RMND1: variants seen among roughly 807,000 people sequenced by gnomAD.
RMND1 encodes the protein required for meiotic nuclear division 1 homolog, also known as required for meiotic nuclear division protein 1 homolog.
Under a neutral mutation model 54.0 loss-of-function variants are expected in RMND1, and 41 were observed. The observed-to-expected ratio is 0.76, with a 90% CI of 0.59 to 0.98. RMND1 has a LOEUF of 0.98. Among genes scored for constraint, RMND1 ranks in the 50% least tolerant of loss-of-function variants. The probability of loss-of-function intolerance (pLI) is 0.00; values close to 1 mark genes in which losing one functional copy is unlikely to be tolerated. For missense variants in RMND1, 457 were observed against 532.0 expected (o/e 0.86, Z 1.39); for synonymous variants, 183 against 181.7 (o/e 1.01, Z -0.06).
chr6:151,434,407 T>C (rs1298416882), intron 3 of RMND1, among the ~76,000 whole-genome samples: 2 of 130,394 alleles, frequency 1.5e-5, no homozygotes, highest in Non-Finnish European at 3.1e-5. Flanking sequence ...ACCAAAACTG[T>C]GATTTTTTTT....
chr6:151,431,686 A>G (rs1780451394), intron 4 of RMND1, among the ~76,000 whole-genome samples: 1 of 152,164 alleles, frequency 6.6e-6, no homozygotes, highest in South Asian at 2.1e-4. Flanking sequence ...CTGTAAGTGT[A>G]CAATACACAG....
intron 10 of RMND1, among the ~76,000 whole-genome samples, chr6:151,412,915 C>A (rs776948552): frequency 6.6e-6 from 1 of 152,180 alleles, no homozygotes; most frequent in South Asian, 2.1e-4. Flanking sequence ...AGTCACCCCC[C>A]CACCAGGACC....
At position 151,405,195 on chromosome 6, in the gene RMND1, C is replaced by CT; in HGVS notation, c.*39dup. Reference sequence around the variant, plus strand: ...GAACATTTAATTTTTGATTGTAGAACTTGAATATCTCTTGCAGTGACACTT... The same window carrying CT: ...GAACATTTAATTTTTGATTGTAGAACTTTGAATATCTCTTGCAGTGACACTT... On this transcript the variant is annotated 3_prime_UTR_variant, in exon 12 of 12. Coordinates refer to ENST00000444024, the MANE Select transcript of RMND1 (RefSeq NM_017909.4). 1 of 1,586,268 alleles carries CT rather than the reference C, an allele frequency of 6.3e-7. No homozygotes were observed. The highest frequency in any genetic ancestry group is 8.7e-7 in the Non-Finnish European group (1 of 1,155,550).
chr6:151,423,076 A>G (rs1231904090), intron 7 of RMND1, among the ~76,000 whole-genome samples: 2 of 152,218 alleles, frequency 1.3e-5, no homozygotes, highest in Non-Finnish European at 2.9e-5. Flanking sequence ...AAGAACTTGT[A>G]TAGTTTTATT....
At chr6:151,438,764 C>A (rs9397050) in intron 2 of RMND1, among the ~76,000 whole-genome samples, 26,043 of 151,624 alleles carry the variant, frequency 0.17, 2,475 homozygotes, top group East Asian at 0.35. Context: ...GTGGTACTGG[C>A]CAAGCCCATC....
intron 11 of RMND1, among the ~76,000 whole-genome samples, 155 bp from the exon 12 acceptor site, chr6:151,405,422 CTTGAT>C (rs1262197003): frequency 6.6e-6 from 1 of 152,120 alleles, no homozygotes; most frequent in Non-Finnish European, 1.5e-5. Context: ...GGTACGGGTG[CTTGAT>C]TTGATGTTGA....
At chr6:151,450,357 T>G (rs560726637) in intron 1 of RMND1, among the ~76,000 whole-genome samples, 2,313 of 132,924 alleles carry the variant, frequency 0.017, 76 homozygotes, top group African/African-American at 0.065. Context: ...GGGAGGGAGG[T>G]GGGGGTCAGC....
chr6:151,412,018 G>C (rs1462688508), intron 10 of RMND1: 1 of 152,098 alleles, frequency 6.6e-6, no homozygotes, highest in African/African-American at 2.4e-5. Flanking sequence ...CTAATAACTT[G>C]CCTTTTTTTT....
At chr6:151,417,242 G>T (rs201033760) in intron 10 of RMND1, 37 bp downstream of exon 10, 1 of 1,575,636 alleles carries the variant, frequency 6.3e-7, no homozygotes, top group African/African-American at 1.4e-5. Context: ...AGGCGACAAC[G>T]TGTCTTTTTC....
intron 2 of RMND1, among the ~76,000 whole-genome samples, chr6:151,440,937 T>C (rs1780758737): frequency 6.7e-6 from 1 of 149,624 alleles, no homozygotes; most frequent in African/African-American, 2.5e-5. Flanking sequence ...CATATATATG[T>C]AAAGCATATT....
chr6:151,407,003 A>G (rs1363149104), intron 10 of RMND1, among the ~76,000 whole-genome samples: 3 of 152,056 alleles, frequency 2.0e-5, no homozygotes, highest in Non-Finnish European at 4.4e-5. Flanking sequence ...CTACAAAAAA[A>G]TTAGCCAGGC....
intron 1 of RMND1, among the ~76,000 whole-genome samples, chr6:151,449,679 C>A (rs151252897): frequency 1.3e-5 from 2 of 152,134 alleles, no homozygotes; most frequent in Non-Finnish European, 2.9e-5. Context: ...CCTCTCCCCA[C>A]GGTCTCCCTC....
intron 1 of RMND1, among the ~76,000 whole-genome samples, chr6:151,451,543 C>T (rs1317930236): frequency 1.3e-5 from 2 of 152,126 alleles, no homozygotes; most frequent in African/African-American, 4.8e-5. Context: ...AATGGAAGCT[C>T]CCTGAGGATA....
chr6:151,447,831 G>C (rs1224311337), intron 1 of RMND1, among the ~76,000 whole-genome samples: 1 of 45,496 alleles, frequency 2.2e-5, no homozygotes, highest in Non-Finnish European at 5.0e-5. Context: ...TTTTTTTTTT[G>C]AGATGGGAGT....
At chr6:151,437,264 T>C (rs569807116) in intron 2 of RMND1, among the ~76,000 whole-genome samples, 30 of 152,248 alleles carry the variant, frequency 2.0e-4, no homozygotes, top group African/African-American at 7.2e-4. Context: ...ACAGCTTTTT[T>C]AATAAAACTA....
At chr6:151,410,128 C>T (rs976898512) in intron 10 of RMND1, among the ~76,000 whole-genome samples, 1 of 151,132 alleles carries the variant, frequency 6.6e-6, no homozygotes, top group African/African-American at 2.4e-5. Context: ...AATCTCCGCT[C>T]ACTGCAAGCT....
rs1451907075 is a variant in RMND1 at position 151,445,799 on chromosome 6, G to C, written c.13C>G (p.Leu5Val). The C allele has an allele frequency of 6.2e-7, 1 of 1,604,258 alleles. No homozygotes were observed. MPAT[L>V]LRAVARSHHI... ...TGAGATCTGGCCACGGCTCTGAGGA[G>C]TGTGGCTGGCATTACCACATCCCAA... The change falls in exon 2 of 12, where the codon CTC becomes GTC. Residue 5 changes from leucine (L) to valine (V), a missense_variant. By Grantham distance (32) the Leu-to-Val change is conservative. Transcript: ENST00000444024.
rs1477723787 is a variant in RMND1, at chr6:151,436,441, A to T, written c.613+5T>A. ...ATACTTGGCCCCAGGTTCAAGAAGA[A>T]GTACCTCTAGGCAAGCTTGTTACTT... is the stretch of plus-strand genomic sequence containing the variant. On this transcript the variant is annotated splice_donor_5th_base_variant and intron_variant, in intron 3 of 11. Coordinates refer to ENST00000444024, the MANE Select transcript of RMND1 (RefSeq NM_017909.4). The T allele has an allele frequency of 6.2e-7, 1 of 1,613,886 alleles. No homozygotes were observed. The highest frequency in any genetic ancestry group is 8.5e-7 in the Non-Finnish European group (1 of 1,179,748).
chr6:151,417,141 G>T, intron 10 of RMND1, 138 bp downstream of exon 10: 2 of 926,424 alleles, frequency 2.2e-6, no homozygotes, highest in Non-Finnish European at 1.6e-6. Flanking sequence ...TGAAGTGACT[G>T]TACAGAGGAC....
Sources: allele counts gnomAD v4.1 joint callset (sites outside exome capture counted in the v4.1 genomes callset), GRCh38; gene constraint gnomAD v4.1.1; transcripts MANE v1.5; gene names NCBI Gene and HGNC (gene_info 2026-07-23, HGNC 2026-07-21).